Variants in SLFN12L observed in about 807,000 individuals in gnomAD.
The protein encoded by SLFN12L is schlafen family member 12-like.
SLFN12L carries 34 observed loss-of-function variants against 34.8 expected under a neutral mutation model. That is an observed-to-expected ratio of 0.98 (90% confidence interval 0.74 to 1.30). The LOEUF (loss-of-function observed/expected upper bound fraction) is 1.30. SLFN12L is among the 50% of genes most tolerant of loss of function. The pLI, the probability that SLFN12L is intolerant of heterozygous loss-of-function variation, is 0.00. For missense variants in SLFN12L, 703 were observed against 696.2 expected, an observed-to-expected ratio of 1.01 and a Z score of -0.11; for synonymous variants, 259 against 247.5, an observed-to-expected ratio of 1.05 and a Z score of -0.44.
At chr17:35,501,229 T>C (rs925495238) in intron 2 of SLFN12L, among the ~76,000 whole-genome samples, 1 of 152,212 alleles carries the variant, frequency 6.6e-6, no homozygotes, top group African/African-American at 2.4e-5. Flanking sequence ...GCATTTTCCC[T>C]GGTGGAATGC....
At chr17:35,487,989 A>G in intron 2 of SLFN12L, 1 of 667,658 alleles carries the variant, frequency 1.5e-6, no homozygotes, top group East Asian at 2.9e-5. Flanking sequence ...AGGGTGGATC[A>G]CCAGCTTAGG....
At chr17:35,503,864 T>C (rs1390901398) in intron 2 of SLFN12L, among the ~76,000 whole-genome samples, 1 of 148,640 alleles carries the variant, frequency 6.7e-6, no homozygotes, top group African/African-American at 2.5e-5. Context: ...TGTGCTGCTA[T>C]CCACCGAGAC....
At chr17:35,498,881 C>T (rs1335528303) in intron 2 of SLFN12L, 3 of 700,146 alleles carry the variant, frequency 4.3e-6, no homozygotes, top group Non-Finnish European at 7.7e-6. Flanking sequence ...AGAACAATTA[C>T]TTGGAGGCCC....
chr17:35,529,592 G>A (rs2072370775), intron 1 of SLFN12L, among the ~76,000 whole-genome samples: 1 of 150,554 alleles, frequency 6.6e-6, no homozygotes, highest in African/African-American at 2.4e-5. Context: ...ACTAACACAA[G>A]AACAGAAAAC....
Position 35,469,488 on chromosome 17 carries a change from T to C in SLFN12L, c.*5435A>G, listed in dbSNP as rs1913771909. Among the ~76,000 whole-genome samples, 2 of 151,756 alleles carry C rather than the reference T, an allele frequency of 1.3e-5. No homozygotes were observed. Among genetic ancestry groups the C allele is most frequent in the Non-Finnish European group, 2.9e-5 (2 of 67,946 alleles). The stretch of plus-strand genomic sequence containing the variant: ...TATGGACCAGCCTACAAGGGCTCTT[T>C]ATACTTCCACATTGTTCTTCTATCT... On this transcript the variant is annotated 3_prime_UTR_variant, in exon 5 of 5. Coordinates refer to ENST00000628453, the MANE Select transcript of SLFN12L (RefSeq NM_001363830.2).
At chr17:35,484,929 G>T (rs191709454) in intron 2 of SLFN12L, among the ~76,000 whole-genome samples, 3 of 152,280 alleles carry the variant, frequency 2.0e-5, no homozygotes, top group Admixed American at 2.0e-4. Flanking sequence ...GGTCTATTCA[G>T]ATTTTCTGTT....
intron 2 of SLFN12L, chr17:35,490,696 C>T: frequency 8.3e-7 from 1 of 1,209,222 alleles, no homozygotes; most frequent in Non-Finnish European, 1.2e-6. Context: ...GGATTCAGAT[C>T]GTCAAAGGTT....
chr17:35,518,307 T>G (rs1291661477), intron 2 of SLFN12L, among the ~76,000 whole-genome samples: 3 of 152,186 alleles, frequency 2.0e-5, no homozygotes, highest in African/African-American at 7.2e-5. Flanking sequence ...ATCCCAGCAT[T>G]TTGGGATGCC....
chr17:35,522,684 C>T lies in SLFN12L; in HGVS notation c.-320G>A. ...GGACCTTGGCCCTGACACACACCTC[C>T]CCAGTGTAGCCCCCCATGTTCACCA... is the stretch of plus-strand genomic sequence containing the variant. On this transcript the variant is annotated 5_prime_UTR_variant, in exon 2 of 5. Transcript: ENST00000628453. 1 of 1,614,124 alleles carries T rather than the reference C, an allele frequency of 6.2e-7. No individual in the cohort carries two copies. The highest frequency in any genetic ancestry group is 8.5e-7 in the Non-Finnish European group (1 of 1,180,014).
At position 35,507,718 on chromosome 17, in the gene SLFN12L, T is replaced by A. The variant is rs143269981; in HGVS notation, c.86+14561A>T. On this transcript the variant is annotated intron_variant, in intron 2 of 4. Coordinates refer to ENST00000628453, the MANE Select transcript of SLFN12L (RefSeq NM_001363830.2). The stretch of plus-strand genomic sequence containing the variant: ...GTTATAATAGTAATAGAAACCTGCT[T>A]ACTGCTCCCTTGTTTGCTACCCATA... Among the ~76,000 whole-genome samples the A allele has an allele frequency of 5.4e-3, 825 of 152,358 alleles. 9 individuals are homozygous for A. The highest frequency in any genetic ancestry group is 0.019 in the African/African-American group (792 of 41,580).
At chr17:35,521,575 T>A (rs6505479) in intron 2 of SLFN12L, among the ~76,000 whole-genome samples, 12 of 152,020 alleles carry the variant, frequency 7.9e-5, no homozygotes, top group Admixed American at 7.2e-4. Context: ...CAAAACCCAA[T>A]TGAGCCTGGC....
At chr17:35,498,871 A>G in intron 2 of SLFN12L, 1 of 708,570 alleles carries the variant, frequency 1.4e-6, no homozygotes, top group Non-Finnish European at 2.5e-6. Context: ...TCCCGCAGTG[A>G]GAACAATTAC....
chr17:35,536,309 C>T (rs1355705634), intron 1 of SLFN12L, among the ~76,000 whole-genome samples: 2 of 152,156 alleles, frequency 1.3e-5, no homozygotes. Context: ...CTGTTAAACA[C>T]AGGCAAGCAA....
At chr17:35,477,250 C>T (rs1214175129) in intron 4 of SLFN12L, among the ~76,000 whole-genome samples, 1 of 152,034 alleles carries the variant, frequency 6.6e-6, no homozygotes, top group Non-Finnish European at 1.5e-5. Flanking sequence ...TGAAATAGCC[C>T]CCTACATCAC....
chr17:35,502,756 TA>T (rs1915343891), intron 2 of SLFN12L, among the ~76,000 whole-genome samples: 1 of 152,204 alleles, frequency 6.6e-6, no homozygotes, highest in South Asian at 2.1e-4. Context: ...TAGTAACCTG[TA>T]ATCTTGTGGC....
Position 35,469,570 on chromosome 17 carries a change from A to C in SLFN12L, c.*5353T>G, listed in dbSNP as rs970677146. Among the ~76,000 whole-genome samples, 3 of 151,972 alleles carry C rather than the reference A, an allele frequency of 2.0e-5. No homozygotes were observed. The highest frequency in any genetic ancestry group is 7.2e-5 in the African/African-American group (3 of 41,432). Reference sequence around the variant, plus strand: ...TTAGGGCAACTGTACCCCATCCTTTAAATAAGTCCACTATTACCACCCCAG... The same window carrying C: ...TTAGGGCAACTGTACCCCATCCTTTCAATAAGTCCACTATTACCACCCCAG... On this transcript the variant is annotated 3_prime_UTR_variant, in exon 5 of 5. Transcript: ENST00000628453.
rs749254892 is a variant in SLFN12L at position 35,466,589 on chromosome 17, A to G, written c.*8334T>C. Reference sequence around the variant, plus strand: ...ATCTTTTCATCCTTTTTGGGTTTTCATGGCAAAATATTCTTCACTTACAAA... The same window carrying G: ...ATCTTTTCATCCTTTTTGGGTTTTCGTGGCAAAATATTCTTCACTTACAAA... On this transcript the variant is annotated 3_prime_UTR_variant, in exon 5 of 5. Coordinates refer to ENST00000628453, the MANE Select transcript of SLFN12L (RefSeq NM_001363830.2). 3.9e-5 allele frequency among the ~76,000 whole-genome samples: 6 copies of G among 152,194 alleles called. No individual in the cohort carries two copies. Among genetic ancestry groups the G allele is most frequent in the Non-Finnish European group, 7.3e-5 (5 of 68,028 alleles).
At position 35,479,172 on chromosome 17, in the gene SLFN12L, T is replaced by C; in HGVS notation, c.1110A>G (p.Arg370=). ...KPDSWHVKDN[R]VKQLTEKEWI... ...ATTCCTTCTCGGTCAACTGCTTAAC[T>C]CTGTTATCTTTCACGTGCCAGGAAT... The change falls in exon 3 of 5, where the codon AGA becomes AGG. Residue 370 remains arginine (R), a synonymous_variant. Coordinates refer to ENST00000628453, the MANE Select transcript of SLFN12L (RefSeq NM_001363830.2). 7.0e-6 allele frequency: 11 copies of C among 1,576,708 alleles called. No homozygotes were observed. The highest frequency in any genetic ancestry group is 1.2e-5 in the South Asian group (1 of 86,170).
At chr17:35,478,294 A>C in intron 3 of SLFN12L, 109 bp from the exon 4 acceptor site, 1 of 661,914 alleles carries the variant, frequency 1.5e-6, no homozygotes, top group Non-Finnish European at 2.6e-6. Context: ...CTGATCCTGC[A>C]TTCCCAATAC....
Sources: gnomAD v4.1 joint callset for allele counts (sites outside exome capture counted in the v4.1 genomes callset) on GRCh38, gnomAD v4.1.1 for gene constraint, MANE v1.5 for transcripts, NCBI Gene and HGNC (gene_info 2026-07-23, HGNC 2026-07-21) for gene names.